GOLGA8S: variants seen among roughly 807,000 people sequenced by gnomAD.
The protein encoded by GOLGA8S is golgin A8 family member S, also known as golgin subfamily A member 8S.
In GOLGA8S, 23 loss-of-function variants were observed where a neutral mutation model predicts 58.9. The observed-to-expected ratio is 0.39, with a 90% CI of 0.28 to 0.55. The LOEUF (loss-of-function observed/expected upper bound fraction) is 0.55, where lower values mean the gene tolerates loss of function less well. Ranked by LOEUF, GOLGA8S falls within the 20% of genes least tolerant of loss-of-function variation. The probability of loss-of-function intolerance (pLI) is 0.63; values close to 1 mark genes in which losing one functional copy is unlikely to be tolerated. For synonymous variants in GOLGA8S, 84 were observed against 195.7 expected, an observed-to-expected ratio of 0.43 and a Z score of 4.76; for missense variants, 266 against 514.2, an observed-to-expected ratio of 0.52 and a Z score of 4.67.
At chr15:23,365,372 A>G (rs2069903255), downstream of GOLGA8S, 1 of 612,490 alleles carries the variant, frequency 1.6e-6, no homozygotes, top group Admixed American at 3.0e-5. Flanking sequence ...TAATTTCATA[A>G]TTGTAGGTCA....
At chr15:23,366,460 C>G (rs868133064), downstream of GOLGA8S, 3 of 151,766 alleles carry the variant, frequency 2.0e-5, no homozygotes, top group African/African-American at 7.3e-5. Context: ...TTTTAGTAGA[C>G]GGTATTATAC....
chr15:23,359,981 G>T lies in GOLGA8S; in HGVS notation c.592-251G>T, dbSNP rs2069758086. ...AGCACTCCATAAAAGTTCAAACAGT[G>T]GTAATAATAACAGTAATAACAACAG... is the stretch of plus-strand genomic sequence containing the variant. On this transcript the variant is annotated intron_variant, in intron 8 of 18. Coordinates refer to ENST00000562295, the Ensembl canonical transcript of GOLGA8S. Among the ~76,000 whole-genome samples the T allele has an allele frequency of 1.3e-5, 2 of 149,498 alleles. 1 individual carries two copies. The highest frequency in any genetic ancestry group is 1.3e-4 in the Admixed American group (2 of 15,026).
exon 12 of GOLGA8S, chr15:23,361,262 G>T: frequency 1.3e-6 from 2 of 1,499,748 alleles, no homozygotes. Flanking sequence ...GCCCTCTGAG[G>T]CGGAGCTGCA....
downstream of GOLGA8S, among the ~76,000 whole-genome samples, chr15:23,368,457 T>G (rs1193705043): frequency 6.6e-6 from 1 of 151,892 alleles, no homozygotes; most frequent in Admixed American, 6.6e-5. Context: ...AATACAACTA[T>G]GCAAGTGTTT....
chr15:23,360,690 C>T, intron 10 of GOLGA8S, 38 bp from the exon 11 acceptor site: 1 of 1,146,984 alleles, frequency 8.7e-7, no homozygotes, highest in Non-Finnish European at 1.3e-6. Flanking sequence ...GCCTCCAGCC[C>T]CTCTCTCCAG....
At chr15:23,361,130 G>A (rs2069784477) in intron 11 of GOLGA8S, 91 bp from the exon 12 acceptor site, 5 of 911,942 alleles carry the variant, frequency 5.5e-6, no homozygotes, top group Non-Finnish European at 4.9e-6. Context: ...GCCAAGAGGA[G>A]GGTTTTTTCT....
intron 15 of GOLGA8S, 132 bp from the exon 16 acceptor site, chr15:23,364,211 C>T (rs2069864995): frequency 1.4e-6 from 2 of 1,474,398 alleles, no homozygotes; most frequent in Non-Finnish European, 9.1e-7. Context: ...AGTGGGGAGA[C>T]CCACTGGGCC....
chr15:23,365,160 C>G (rs546473012), downstream of GOLGA8S: 106 of 1,585,214 alleles, frequency 6.7e-5, 6 homozygotes, highest in African/African-American at 1.3e-3. Flanking sequence ...AAGAGCTGCT[C>G]AAGAAATTTT....
chr15:23,367,638 T>G (rs1384819284), downstream of GOLGA8S, among the ~76,000 whole-genome samples: 3 of 151,850 alleles, frequency 2.0e-5, no homozygotes, highest in South Asian at 2.1e-4. Flanking sequence ...GACAATAACT[T>G]AAGTCTTTCT....
Position 23,364,396 on chromosome 15 carries a change from G to A in GOLGA8S, c.1401G>A (p.Lys467=), listed in dbSNP as rs4036677. 3.7e-4 allele frequency: 587 copies of A among 1,602,084 alleles called. 7 individuals carry two copies. Among genetic ancestry groups the A allele is most frequent in the Non-Finnish European group, 4.6e-4 (546 of 1,177,824 alleles). Residue 467 remains lysine, a synonymous_variant, in exon 16 of 19, where the codon AAG becomes AAA. Transcript: ENST00000562295. ...AGGCAGACCTGAGTGAGCTGGTGAA[G>A]AAACAAGAACTTCGCTTCATTCAAT...
rs868064640 is a variant in GOLGA8S at position 23,357,976 on chromosome 15, G to A, written c.309+357G>A. Among the ~76,000 whole-genome samples, 16 of 149,706 alleles carry A rather than the reference G, an allele frequency of 1.1e-4. No individual in the cohort carries two copies. The South Asian group carries it at 1.7e-3, about 16-fold the overall frequency. Reference sequence around the variant, plus strand: ...TCTGGACAAGCCACCTCTCCTTTTTGGGCTCATGTTTCCATGAAGTAGTGA... The same window carrying A: ...TCTGGACAAGCCACCTCTCCTTTTTAGGCTCATGTTTCCATGAAGTAGTGA... On this transcript the variant is annotated intron_variant, in intron 4 of 18. Transcript: ENST00000562295.
chr15:23,364,355 G>C (rs747127940), exon 16 of GOLGA8S: 1 of 1,602,520 alleles, frequency 6.2e-7, no homozygotes, highest in East Asian at 2.2e-5. Flanking sequence ...CAGCTTTATG[G>C]ACCACCTGGA....
intron 1 of GOLGA8S, among the ~76,000 whole-genome samples, chr15:23,356,169 C>T (rs1282205466): frequency 6.9e-6 from 1 of 144,048 alleles, no homozygotes; most frequent in African/African-American, 2.5e-5. Flanking sequence ...CTGCCTTCTG[C>T]CATGAGGACA....
intron 15 of GOLGA8S, 34 bp downstream of exon 15, chr15:23,363,803 C>T (rs764996099): frequency 1.9e-6 from 1 of 531,828 alleles, no homozygotes; most frequent in Non-Finnish European, 3.3e-6. Context: ...CATTTTGCCA[C>T]CTTTCTCTGT....
rs746233079 is a variant in GOLGA8S, at chr15:23,363,706, G to C, written c.1284G>C (p.Glu428Asp). 4.5e-4 allele frequency: 228 copies of C among 502,964 alleles called. 38 individuals carry two copies. In the African/African-American group the frequency reaches 4.7e-3, roughly 10 times the overall value. The allele number at this position is 502,964 out of a possible 1,614,324, so 31.2% of individuals were successfully genotyped here. A position where few individuals can be genotyped will look rare whatever the true frequency, so the allele number is the denominator to read the frequency against. Residue 428 changes from glutamate to aspartate, a missense_variant, in exon 15 of 19, where the codon GAG (glutamate) becomes GAC (aspartate). By Grantham distance (45) the Glu-to-Asp change is conservative. Coordinates refer to ENST00000562295, the Ensembl canonical transcript of GOLGA8S. ...ATGGAGGAGGACATCTGGACAGTGA[G>C]GGGGAGGAGGCACCTCGGCCCATTC...
At chr15:23,366,621 A>G (rs1362447445), downstream of GOLGA8S, 4 of 152,088 alleles carry the variant, frequency 2.6e-5, no homozygotes, top group Non-Finnish European at 4.4e-5. Context: ...TACAAAGTGA[A>G]ATATGTTTTT....
At chr15:23,366,492 A>G (rs1241530305), downstream of GOLGA8S, 2 of 152,016 alleles carry the variant, frequency 1.3e-5, no homozygotes, top group Admixed American at 1.3e-4. Context: ...ATCAAGGAGA[A>G]GTTTATGAAA....
At chr15:23,361,137 T>C in intron 11 of GOLGA8S, 84 bp from the exon 12 acceptor site, 1 of 870,558 alleles carries the variant, frequency 1.1e-6, no homozygotes, top group Non-Finnish European at 1.7e-6. Context: ...GGAGGGTTTT[T>C]TCTTTTCTTT....
At chr15:23,357,831 C>G (rs1363991567) in intron 4 of GOLGA8S, among the ~76,000 whole-genome samples, 1 of 150,012 alleles carries the variant, frequency 6.7e-6, no homozygotes, top group African/African-American at 2.5e-5. Flanking sequence ...CCAGATGCCC[C>G]TGCTCGAGTC....
Sources: gnomAD v4.1 joint callset for allele counts (sites outside exome capture counted in the v4.1 genomes callset) on GRCh38, gnomAD v4.1.1 for gene constraint, MANE v1.5 for transcripts, NCBI Gene and HGNC (gene_info 2026-07-23, HGNC 2026-07-21) for gene names.